The following HOMER1 variants were observed in gnomAD, a reference collection of about 807,000 sequenced individuals.
HOMER1 encodes the protein homer scaffold protein 1, also known as homer protein homolog 1.
In HOMER1, 3 loss-of-function variants were observed where a neutral mutation model predicts 48.9. The observed-to-expected ratio is 0.06, with a 90% CI of 0.03 to 0.16. The LOEUF (loss-of-function observed/expected upper bound fraction) is 0.16. Among genes scored for constraint, HOMER1 ranks in the 10% least tolerant of loss-of-function variants. The pLI, the probability that HOMER1 is intolerant of heterozygous loss-of-function variation, is 1.00. For missense variants in HOMER1, 247 were observed against 411.4 expected, an observed-to-expected ratio of 0.60 and a Z score of 3.46; for synonymous variants, 134 against 146.4, an observed-to-expected ratio of 0.92 and a Z score of 0.61.
intron 1 of HOMER1, among the ~76,000 whole-genome samples, chr5:79,473,226 A>T (rs1347846380): frequency 6.6e-6 from 1 of 152,262 alleles, no homozygotes; most frequent in Non-Finnish European, 1.5e-5. Context: ...AAGTTTGCCC[A>T]ACTCACAGCC....
Position 79,512,855 on chromosome 5 carries a change from T to G in HOMER1, c.-81A>C. The G allele has an allele frequency of 6.9e-7, 1 of 1,449,760 alleles. No homozygotes were observed. Among genetic ancestry groups the G allele is most frequent in the Non-Finnish European group, 9.7e-7 (1 of 1,031,874 alleles). 89.8% of individuals were successfully genotyped at this position (1,449,760 alleles called of 1,614,324 possible). ...CCAAAGGAATTTCTCCGTCTGCTAT[T>G]TCGCAGTTGCTTTTCCACCCCCACC... is the stretch of plus-strand genomic sequence containing the variant. On this transcript the variant is annotated 5_prime_UTR_variant, in exon 1 of 9. Coordinates refer to ENST00000334082, the MANE Select transcript of HOMER1 (RefSeq NM_004272.5).
At chr5:79,393,270 T>C (rs1156896677) in intron 8 of HOMER1, among the ~76,000 whole-genome samples, 3 of 152,058 alleles carry the variant, frequency 2.0e-5, no homozygotes, top group Admixed American at 2.0e-4. Context: ...AAATAAAAAA[T>C]GGTAATACTA....
intron 8 of HOMER1, among the ~76,000 whole-genome samples, chr5:79,385,306 A>G: frequency 6.6e-6 from 1 of 152,160 alleles, no homozygotes; most frequent in Non-Finnish European, 1.5e-5. Flanking sequence ...GGAAACAACA[A>G]AGAGACAACC....
chr5:79,441,643 A>T (rs1471970207), intron 4 of HOMER1, among the ~76,000 whole-genome samples: 1 of 152,154 alleles, frequency 6.6e-6, no homozygotes, highest in Middle Eastern at 3.2e-3. Flanking sequence ...TTATTTTTTT[A>T]ATTTAATTTT....
chr5:79,465,644 G>A (rs1164549354), intron 1 of HOMER1, among the ~76,000 whole-genome samples: 2 of 133,040 alleles, frequency 1.5e-5, no homozygotes, highest in Non-Finnish European at 3.1e-5. Context: ...CCAGGCTGGA[G>A]TGCAGTGGTG....
chr5:79,407,134 T>C (rs1032234274), intron 5 of HOMER1, among the ~76,000 whole-genome samples: 3 of 152,170 alleles, frequency 2.0e-5, no homozygotes, highest in South Asian at 4.1e-4. Flanking sequence ...AGCATACTCA[T>C]AGTAACCATA....
intron 1 of HOMER1, 64 bp downstream of exon 1, chr5:79,512,706 C>T (rs1277697135): frequency 6.0e-6 from 9 of 1,496,020 alleles, no homozygotes; most frequent in Non-Finnish European, 7.4e-6. Context: ...ACAATCACCA[C>T]CACCGCTCAA....
chr5:79,481,877 G>A (rs1013918661), intron 1 of HOMER1, among the ~76,000 whole-genome samples: 2 of 152,196 alleles, frequency 1.3e-5, no homozygotes, highest in Non-Finnish European at 2.9e-5. Context: ...AGATCATACT[G>A]TTTCCAATCA....
intron 8 of HOMER1, among the ~76,000 whole-genome samples, chr5:79,393,951 C>A (rs988562515): frequency 1.3e-5 from 2 of 151,976 alleles, no homozygotes. Flanking sequence ...CAAGGAAATG[C>A]CAGTTACCTT....
At chr5:79,407,724 TAGA>T (rs1749703210) in intron 5 of HOMER1, among the ~76,000 whole-genome samples, 1 of 151,938 alleles carries the variant, frequency 6.6e-6, no homozygotes, top group South Asian at 2.1e-4. Context: ...ACTAGAATCA[TAGA>T]AGGAGAAGAG....
intron 5 of HOMER1, among the ~76,000 whole-genome samples, chr5:79,438,487 T>C (rs1750652801): frequency 6.6e-6 from 1 of 152,180 alleles, no homozygotes; most frequent in Non-Finnish European, 1.5e-5. Flanking sequence ...CAAAGATAAA[T>C]CTGCCATTAA....
intron 8 of HOMER1, among the ~76,000 whole-genome samples, chr5:79,394,196 TCAACTCTAAATACTAATC>T (rs1227745896): frequency 1.3e-5 from 2 of 152,160 alleles, no homozygotes; most frequent in Non-Finnish European, 2.9e-5. Context: ...CTATCCACAT[TCAACTCTAAATACTAATC>T]CAACTCTAAA....
chr5:79,496,842 A>G (rs1752435472), intron 1 of HOMER1, among the ~76,000 whole-genome samples: 1 of 152,080 alleles, frequency 6.6e-6, no homozygotes, highest in African/African-American at 2.4e-5. Flanking sequence ...AGGTGGGTGG[A>G]TCACTTGAGG....
chr5:79,510,963 GGGCT>G, intron 1 of HOMER1: 1 of 499,390 alleles, frequency 2.0e-6, no homozygotes. Context: ...CATCTGCATG[GGGCT>G]GTGGGGCTGG....
At chr5:79,387,617 C>T (rs1214084129) in intron 8 of HOMER1, among the ~76,000 whole-genome samples, 1 of 152,060 alleles carries the variant, frequency 6.6e-6, no homozygotes, top group Non-Finnish European at 1.5e-5. Context: ...GTAAAACATA[C>T]ACACATTTTG....
intron 8 of HOMER1, among the ~76,000 whole-genome samples, chr5:79,379,100 A>AAATAAATT (rs1748862148): frequency 6.7e-5 from 4 of 59,388 alleles, no homozygotes; most frequent in Non-Finnish European, 1.1e-4. Context: ...ATATATATAT[A>AAATAAATT]TATATATATA....
At chr5:79,444,736 A>T (rs1183015865) in intron 4 of HOMER1, among the ~76,000 whole-genome samples, 5 of 152,206 alleles carry the variant, frequency 3.3e-5, no homozygotes, top group Admixed American at 3.3e-4. Flanking sequence ...GTACTCTTTT[A>T]CTGAATGTGC....
At chr5:79,464,487 G>T (rs1476685327) in intron 1 of HOMER1, among the ~76,000 whole-genome samples, 1 of 152,178 alleles carries the variant, frequency 6.6e-6, no homozygotes, top group African/African-American at 2.4e-5. Context: ...AACTTGATAG[G>T]TAATGGCTGG....
In HOMER1 at chr5:79,509,314, G is replaced by A. The variant is rs375870966; in HGVS notation, c.5+3456C>T. Among the ~76,000 whole-genome samples the A allele has an allele frequency of 1.5e-3, 234 of 152,322 alleles. 3 individuals are homozygous for A. Among genetic ancestry groups the A allele is most frequent in the African/African-American group, 3.9e-3 (164 of 41,562 alleles). Reference sequence around the variant, plus strand: ...TTTATGTATAAGTAGCTCTTAATAAGGGAAGGGAGGGAAAGAATTCTTTAC... The same window carrying A: ...TTTATGTATAAGTAGCTCTTAATAAAGGAAGGGAGGGAAAGAATTCTTTAC... On this transcript the variant is annotated intron_variant, in intron 1 of 8. Transcript: ENST00000334082.
Sources: allele counts gnomAD v4.1 joint callset (sites outside exome capture counted in the v4.1 genomes callset), GRCh38; gene constraint gnomAD v4.1.1; transcripts MANE v1.5; gene names NCBI Gene and HGNC (gene_info 2026-07-23, HGNC 2026-07-21).